Variants in EXO1 observed in about 807,000 individuals in gnomAD.
EXO1 encodes the protein exonuclease 1.
EXO1 carries 69 observed loss-of-function variants against 84.5 expected under a neutral mutation model. The ratio of observed to expected loss-of-function variants is 0.82; its 90% CI spans 0.67 to 1.00. The LOEUF is 1.00. EXO1 is among the 50% of genes least tolerant of loss of function. The pLI is 0.00. For synonymous variants in EXO1, 373 were observed against 366.1 expected, an observed-to-expected ratio of 1.02 and a Z score of -0.21; for missense variants, 1,045 against 1,000.7, an observed-to-expected ratio of 1.04 and a Z score of -0.60.
At chr1:241,861,187 G>A (rs1380949625) in intron 9 of EXO1, among the ~76,000 whole-genome samples, 1 of 152,218 alleles carries the variant, frequency 6.6e-6, no homozygotes, top group Admixed American at 6.5e-5. Flanking sequence ...GTCAGTGATG[G>A]CCTGGGCCCT....
At chr1:241,876,590 T>A (rs956075621) in intron 12 of EXO1, among the ~76,000 whole-genome samples, 3 of 151,998 alleles carry the variant, frequency 2.0e-5, no homozygotes, top group Non-Finnish European at 2.9e-5. Context: ...TCAAAAAAAA[T>A]TTCTTTTTAA....
chr1:241,867,166 T>C (rs1661795894), intron 11 of EXO1, 111 bp downstream of exon 11: 1 of 793,270 alleles, frequency 1.3e-6, no homozygotes, highest in Non-Finnish European at 2.2e-6. Flanking sequence ...AGAAGTTTTA[T>C]AGTTGTATTA....
rs1465565925 is a variant in EXO1, at chr1:241,885,463, A to G, written c.2361A>G (p.Leu787=). The change falls in exon 15 of 16, where the codon TTA becomes TTG. Residue 787 remains leucine, a synonymous_variant. Transcript: ENST00000366548. ...KHHNAENKPG[L]QIKLNELWKN... ...ATAATGCCGAGAACAAGCCGGGGTT[A>G]CAGATCAAACTCAATGAGCTCTGGA... is the stretch of plus-strand genomic sequence containing the variant. The G allele has an allele frequency of 3.7e-6, 6 of 1,613,750 alleles. No homozygotes were observed. The highest frequency in any genetic ancestry group is 5.1e-6 in the Non-Finnish European group (6 of 1,179,842).
chr1:241,851,568 A>C (rs910586196), intron 4 of EXO1, among the ~76,000 whole-genome samples: 1 of 152,334 alleles, frequency 6.6e-6, no homozygotes, highest in Admixed American at 6.5e-5. Context: ...TGTTTTTGTC[A>C]CAATACCTAA....
At chr1:241,853,943 C>T (rs1407984893) in intron 6 of EXO1, among the ~76,000 whole-genome samples, 3 of 152,240 alleles carry the variant, frequency 2.0e-5, no homozygotes, top group African/African-American at 7.2e-5. Flanking sequence ...TTACTGTAAC[C>T]GGCACTCTTG....
At chr1:241,856,048 G>A (rs1226123844) in intron 6 of EXO1, among the ~76,000 whole-genome samples, 2 of 152,220 alleles carry the variant, frequency 1.3e-5, no homozygotes, top group African/African-American at 2.4e-5. Context: ...TGGGCTGAAG[G>A]GCTCAAGTGC....
intron 12 of EXO1, among the ~76,000 whole-genome samples, chr1:241,878,365 C>G (rs183241862): frequency 1.3e-5 from 2 of 151,902 alleles, no homozygotes; most frequent in Non-Finnish European, 2.9e-5. Flanking sequence ...AGCATGGTGG[C>G]GCATGCCTGT....
chr1:241,887,908 G>A (rs1386828232), intron 15 of EXO1, among the ~76,000 whole-genome samples: 1 of 151,958 alleles, frequency 6.6e-6, no homozygotes, highest in Non-Finnish European at 1.5e-5. Context: ...CAAAGTGCTG[G>A]GATTACAGAC....
chr1:241,861,317 G>A (rs188322818), intron 9 of EXO1, 89 bp from the exon 10 acceptor site: 137 of 751,890 alleles, frequency 1.8e-4, no homozygotes, highest in African/African-American at 1.8e-3. Context: ...ATGGATTTTC[G>A]TGACAATAGA....
chr1:241,879,837 T>C (rs1418126877), intron 13 of EXO1, among the ~76,000 whole-genome samples: 1 of 151,922 alleles, frequency 6.6e-6, no homozygotes, highest in Non-Finnish European at 1.5e-5. Context: ...AAACCCTGTC[T>C]CTCCTAAAAA....
intron 5 of EXO1, among the ~76,000 whole-genome samples, chr1:241,852,751 G>C (rs1660742622): frequency 6.6e-6 from 1 of 152,202 alleles, no homozygotes; most frequent in African/African-American, 2.4e-5. Context: ...CCACCTCCCG[G>C]ATTCAAGCAA....
intron 10 of EXO1, among the ~76,000 whole-genome samples, chr1:241,863,140 A>G (rs536413031): frequency 9.8e-5 from 15 of 152,296 alleles, no homozygotes; most frequent in Non-Finnish European, 2.1e-4. Flanking sequence ...TTTTCTGAGC[A>G]TTTGCTACTT....
Position 241,866,892 on chromosome 1 carries a change from C to G in EXO1, c.1104C>G (p.Ser368Arg), listed in dbSNP as rs1248082058. 3.7e-6 allele frequency: 6 copies of G among 1,614,072 alleles called. No individual in the cohort carries two copies. The South Asian group carries it at 6.6e-5, about 18-fold the overall frequency. Residue 368 changes from serine (S) to arginine (R), a missense_variant, in exon 11 of 16, where the codon AGC becomes AGG. Ser to Arg is a moderately radical substitution (Grantham distance 110). Coordinates refer to ENST00000366548, the MANE Select transcript of EXO1 (RefSeq NM_130398.4). ...DKTCQKSANV[S>R]SIWHRNYSPR... ...CATGTCAAAAGTCAGCTAATGTTAGCAGCATTTGGCATAGGAATTACTCTC... is the reference window on the plus strand; with the variant it reads ...CATGTCAAAAGTCAGCTAATGTTAGGAGCATTTGGCATAGGAATTACTCTC...
intron 11 of EXO1, among the ~76,000 whole-genome samples, chr1:241,867,536 T>C (rs1661819359): frequency 6.6e-6 from 1 of 152,192 alleles, no homozygotes; most frequent in Non-Finnish European, 1.5e-5. Context: ...TCATTAGTTT[T>C]AGCTCTTACA....
At position 241,885,521 on chromosome 1, in the gene EXO1, T is replaced by G; in HGVS notation, c.2405+14T>G. 6.3e-7 allele frequency: 1 copy of G among 1,581,132 alleles called. No individual in the cohort carries two copies. The highest frequency in any genetic ancestry group is 8.7e-7 in the Non-Finnish European group (1 of 1,150,146). ...TGGATTTAAAAAGTGAGTTGCCTTG[T>G]TTCTTATTCTGAAACAAGATAAACT... On this transcript the variant is annotated intron_variant, in intron 15 of 15. Coordinates refer to ENST00000366548, the MANE Select transcript of EXO1 (RefSeq NM_130398.4).
chr1:241,849,782 G>A (rs752720382), intron 3 of EXO1, among the ~76,000 whole-genome samples: 10 of 152,192 alleles, frequency 6.6e-5, no homozygotes, highest in African/African-American at 9.6e-5. Context: ...GCCATCGCAT[G>A]CATGGTTTTG....
chr1:241,863,665 TA>T (rs1661532333), intron 10 of EXO1, among the ~76,000 whole-genome samples: 1 of 152,196 alleles, frequency 6.6e-6, no homozygotes. Flanking sequence ...ATAACGACCC[TA>T]AAAATGAACT....
At position 241,879,943 on chromosome 1, in the gene EXO1, G is replaced by A. The variant is rs555969131; in HGVS notation, c.2109+600G>A. 3.3e-5 allele frequency among the ~76,000 whole-genome samples: 5 copies of A among 151,076 alleles called. No homozygotes were observed. In the East Asian group the frequency reaches 9.8e-4, roughly 30 times the overall value. ...AATTATTTGAACCTGGGAGGCGGAG[G>A]TTGCAGTGAGCCGAGATTGAGCCAC... On this transcript the variant is annotated intron_variant, in intron 13 of 15. Coordinates refer to ENST00000366548, the MANE Select transcript of EXO1 (RefSeq NM_130398.4).
rs1174215489 is a variant in EXO1, at chr1:241,866,813, T to C, written c.1042-17T>C. Reference sequence around the variant, plus strand: ...ATTTTCTTTCTGCAAATAATCTTTTTCCTTTTCCTTTTCTAGCCTGCCCAT... The same window carrying C: ...ATTTTCTTTCTGCAAATAATCTTTTCCCTTTTCCTTTTCTAGCCTGCCCAT... On this transcript the variant is annotated splice_polypyrimidine_tract_variant and intron_variant, in intron 10 of 15. Transcript: ENST00000366548. The C allele has an allele frequency of 2.0e-6, 3 of 1,527,552 alleles. No individual in the cohort carries two copies. The highest frequency in any genetic ancestry group is 2.7e-6 in the Non-Finnish European group (3 of 1,101,406). The allele number at this position is 1,527,552 out of a possible 1,614,324, so 94.6% of individuals were successfully genotyped here.
Sources: allele counts gnomAD v4.1 joint callset (sites outside exome capture counted in the v4.1 genomes callset), GRCh38; gene constraint gnomAD v4.1.1; transcripts MANE v1.5; gene names NCBI Gene and HGNC (gene_info 2026-07-23, HGNC 2026-07-21).